ATP11B: variants seen among roughly 807,000 people sequenced by gnomAD.
ATP11B encodes phospholipid-transporting ATPase IF.
A neutral mutation model predicts 157.8 loss-of-function variants in ATP11B; 81 were observed. The ratio of observed to expected loss-of-function variants is 0.51; its 90% CI spans 0.43 to 0.62. The LOEUF (loss-of-function observed/expected upper bound fraction) is 0.62. Ranked by LOEUF, ATP11B falls within the 20% of genes least tolerant of loss-of-function variation. The pLI is 0.00. For synonymous variants in ATP11B, 451 were observed against 469.4 expected, an observed-to-expected ratio of 0.96 and a Z score of 0.51; for missense variants, 1,165 against 1,402.2, an observed-to-expected ratio of 0.83 and a Z score of 2.70.
chr3:182,887,639 A>C lies in ATP11B; in HGVS notation c.2769A>C (p.Leu923=). 3 of 1,612,736 alleles carry C rather than the reference A, an allele frequency of 1.9e-6. No individual in the cohort carries two copies. Among genetic ancestry groups the C allele is most frequent in the Non-Finnish European group, 2.5e-6 (3 of 1,179,400 alleles). Residue 923 remains leucine (L), a synonymous_variant, in exon 24 of 30, where the codon CTA becomes CTC. Coordinates refer to ENST00000323116, the MANE Select transcript of ATP11B (RefSeq NM_014616.3). ...TATACAATATTTGTTTTACTTCCCT[A>C]CCTATTCTGATATATAGTCTTTTGG... ...LTLYNICFTS[L]PILIYSLLEQ...
At position 182,889,075 on chromosome 3, in the gene ATP11B, A is replaced by C. The variant is rs772196168; in HGVS notation, c.2844-335A>C. On this transcript the variant is annotated intron_variant, in intron 24 of 29. Coordinates refer to ENST00000323116, the MANE Select transcript of ATP11B (RefSeq NM_014616.3). ...ACAGGATTTCACCATGTTGGCCAGG[A>C]TGGTCTTGATCTCTTAACCTTGTGA... Among the ~76,000 whole-genome samples, 57 of 151,914 alleles carry C rather than the reference A, an allele frequency of 3.8e-4. 1 individual carries two copies. Among genetic ancestry groups the C allele is most frequent in the South Asian group, 2.3e-3 (11 of 4,806 alleles).
At position 182,869,086 on chromosome 3, in the gene ATP11B, T is replaced by C. The variant is rs1721455958; in HGVS notation, c.1697T>C (p.Leu566Pro). Residue 566 changes from leucine (L) to proline (P), a missense_variant, in exon 16 of 30, where the codon CTG (leucine) becomes CCG (proline). Physicochemically the swap from Leu to Pro is moderately conservative, Grantham distance 98 (BLOSUM62 -3). Around this residue, in one of 4 missense-constraint regions of ATP11B, gnomAD observed 737 missense variants for 930.5 expected, o/e 0.79. Transcript: ENST00000323116. ...TACTTTCTTTTGTTTAGGTACAAAC[T>C]GCTTCATATTCTGGAATTTGATTCA... ...KTLGKLERYKLLHILEFDSDR... is the reference protein window; with the variant it reads ...KTLGKLERYKPLHILEFDSDR... The C allele has an allele frequency of 1.9e-6, 3 of 1,607,842 alleles. No individual in the cohort carries two copies. The highest frequency in any genetic ancestry group is 1.7e-4 in the Middle Eastern group (1 of 6,024).
intron 19 of ATP11B, among the ~76,000 whole-genome samples, chr3:182,876,787 G>A (rs1202398831): frequency 6.6e-6 from 1 of 152,176 alleles, no homozygotes; most frequent in Non-Finnish European, 1.5e-5. Context: ...TTCCGAAAAG[G>A]CCCCACTTCA....
chr3:182,913,140 T>A (rs1371087638), intron 28 of ATP11B, among the ~76,000 whole-genome samples: 1 of 152,218 alleles, frequency 6.6e-6, no homozygotes, highest in East Asian at 1.9e-4. Context: ...TAGTACTACT[T>A]ATTCACTTGT....
rs1381081634 is a variant in ATP11B, at chr3:182,920,761, G to A, written c.*2657G>A. 1 of 152,258 alleles carries A rather than the reference G, an allele frequency of 6.6e-6. No individual in the cohort carries two copies. The highest frequency in any genetic ancestry group is 1.5e-5 in the Non-Finnish European group (1 of 68,060). 9.4% of individuals were successfully genotyped at this position (152,258 alleles called of 1,614,324 possible). A position where few individuals can be genotyped will look rare whatever the true frequency, so the allele number is the denominator to read the frequency against. On this transcript the variant is annotated 3_prime_UTR_variant, in exon 30 of 30. Transcript: ENST00000323116. ...GTAGGCTCACCCTGGGCGGAGCAAA[G>A]TATGGGCCAGGGAGAACTACAGCTA...
In ATP11B at chr3:182,919,606, A is replaced by G. The variant is rs1369248980; in HGVS notation, c.*1502A>G. 3 of 152,226 alleles carry G rather than the reference A, an allele frequency of 2.0e-5. No homozygotes were observed. In the East Asian group the frequency reaches 5.8e-4, roughly 29 times the overall value. The allele number at this position is 152,226 out of a possible 1,614,324, so 9.4% of individuals were successfully genotyped here. A position where few individuals can be genotyped will look rare whatever the true frequency, so the allele number is the denominator to read the frequency against. ...TGCGGTTTTACCAAGTTTTCCCTTG[A>G]AAATGTAATTCCTTTATGGAGATTT... On this transcript the variant is annotated 3_prime_UTR_variant, in exon 30 of 30. Transcript: ENST00000323116.
chr3:182,797,606 G>A (rs1715704747), intron 1 of ATP11B, among the ~76,000 whole-genome samples: 1 of 152,108 alleles, frequency 6.6e-6, no homozygotes, highest in Non-Finnish European at 1.5e-5. Context: ...TACTCAGGAG[G>A]CTGAAGCAGC....
At chr3:182,874,387 T>A (rs550474428) in intron 19 of ATP11B, among the ~76,000 whole-genome samples, 1 of 152,326 alleles carries the variant, frequency 6.6e-6, no homozygotes, top group South Asian at 2.1e-4. Flanking sequence ...GAGATACATA[T>A]AATGTGATAG....
intron 14 of ATP11B, among the ~76,000 whole-genome samples, chr3:182,866,985 C>T (rs555511685): frequency 1.3e-5 from 2 of 150,926 alleles, no homozygotes; most frequent in South Asian, 4.2e-4. Context: ...GGCTGGAGTG[C>T]AGTGGTGTGA....
chr3:182,907,138 T>A (rs999956807), intron 28 of ATP11B, among the ~76,000 whole-genome samples: 3 of 152,056 alleles, frequency 2.0e-5, no homozygotes, highest in Admixed American at 2.0e-4. Flanking sequence ...AGAGCTTGAT[T>A]TTCTCTTCTC....
chr3:182,854,343 G>A (rs1720210373), intron 10 of ATP11B, among the ~76,000 whole-genome samples: 1 of 152,036 alleles, frequency 6.6e-6, no homozygotes, highest in South Asian at 2.1e-4. Context: ...GGTGGTGCAT[G>A]CTTGTAATCC....
chr3:182,806,543 A>G (rs1461491957), intron 1 of ATP11B, among the ~76,000 whole-genome samples: 3 of 151,670 alleles, frequency 2.0e-5, no homozygotes, highest in Non-Finnish European at 4.4e-5. Context: ...CTCATTTTCT[A>G]TCTGTGCTGT....
At chr3:182,828,497 T>G (rs1717879739) in intron 3 of ATP11B, among the ~76,000 whole-genome samples, 1 of 152,088 alleles carries the variant, frequency 6.6e-6, no homozygotes, top group African/African-American at 2.4e-5. Flanking sequence ...CTTTCAGATA[T>G]TCTGCCTCAG....
intron 20 of ATP11B, among the ~76,000 whole-genome samples, chr3:182,880,101 T>A (rs1722317627): frequency 6.6e-6 from 1 of 152,248 alleles, no homozygotes; most frequent in African/African-American, 2.4e-5. Flanking sequence ...AATTAACTTG[T>A]AAAGCTTATA....
intron 2 of ATP11B, among the ~76,000 whole-genome samples, chr3:182,825,936 T>G (rs1453261734): frequency 6.6e-6 from 1 of 152,140 alleles, no homozygotes. Flanking sequence ...GCAAAATATT[T>G]AATTTTATAG....
chr3:182,839,604 A>ATTTAT (rs56137243), intron 7 of ATP11B, among the ~76,000 whole-genome samples: 98 of 149,120 alleles, frequency 6.6e-4, no homozygotes, highest in Middle Eastern at 3.5e-3. Context: ...TTTTTTAAAT[A>ATTTAT]TTTATTTTAT....
At chr3:182,848,050 G>A (rs1209056774) in intron 9 of ATP11B, among the ~76,000 whole-genome samples, 2 of 152,140 alleles carry the variant, frequency 1.3e-5, no homozygotes, top group African/African-American at 4.8e-5. Context: ...CTAGACCCCC[G>A]ATTCCAGCAT....
rs1391871169 is a variant in ATP11B, at chr3:182,857,872, C to T, written c.852-6C>T. On this transcript the variant is annotated splice_region_variant and splice_polypyrimidine_tract_variant and intron_variant, in intron 10 of 29. Coordinates refer to ENST00000323116, the MANE Select transcript of ATP11B (RefSeq NM_014616.3). ...TATGTTTTATATTCTCTTTTTCTTC[C>T]TTAAGGTCAATGAATACATTTTTGA... 4 of 1,471,686 alleles carry T rather than the reference C, an allele frequency of 2.7e-6. No homozygotes were observed. The highest frequency in any genetic ancestry group is 3.8e-6 in the Non-Finnish European group (4 of 1,060,932). The allele number at this position is 1,471,686 out of a possible 1,614,324, so 91.2% of individuals were successfully genotyped here. A position where few individuals can be genotyped will look rare whatever the true frequency, so the allele number is the denominator to read the frequency against.
At chr3:182,812,305 A>G (rs1289018629) in intron 1 of ATP11B, among the ~76,000 whole-genome samples, 8 of 152,134 alleles carry the variant, frequency 5.3e-5, no homozygotes, top group African/African-American at 1.9e-4. Flanking sequence ...TTTGTTTATG[A>G]TTGTTGGGGG....
Sources: gnomAD v4.1 joint callset for allele counts (sites outside exome capture counted in the v4.1 genomes callset) on GRCh38, gnomAD v4.1.1 for gene constraint, gnomAD v4.1.1 regional missense constraint, MANE v1.5 for transcripts, NCBI Gene and HGNC (gene_info 2026-07-23, HGNC 2026-07-21) for gene names.